Variants in COL5A2 observed in about 807,000 individuals in gnomAD.
The protein encoded by COL5A2 is collagen type V alpha 2 chain, also known as collagen alpha-2(V) chain.
Under a neutral mutation model 208.2 loss-of-function variants are expected in COL5A2, and 23 were observed. That is an observed-to-expected ratio of 0.11 (90% CI 0.08 to 0.16). The LOEUF is 0.16. Ranked by LOEUF, COL5A2 falls within the 10% of genes least tolerant of loss-of-function variation. COL5A2 has a pLI of 1.00. For missense variants in COL5A2, 1,590 were observed against 1,956.4 expected (o/e 0.81, Z 3.53); for synonymous variants, 625 against 628.5 (o/e 0.99, Z 0.08).
At chr2:189,159,702 T>A (rs1323711925) in intron 1 of COL5A2, among the ~76,000 whole-genome samples, 3 of 103,894 alleles carry the variant, frequency 2.9e-5, no homozygotes, top group East Asian at 7.9e-4. Context: ...AAAAATTATT[T>A]AAAAAAATCT....
At chr2:189,058,202 G>C (rs745931041) in intron 33 of COL5A2, among the ~76,000 whole-genome samples, 1 of 152,110 alleles carries the variant, frequency 6.6e-6, no homozygotes, top group South Asian at 2.1e-4. Flanking sequence ...CTATCACCAT[G>C]TGCACTAAAC....
the COL5A2 span, among the ~76,000 whole-genome samples, chr2:189,342,926 C>T: frequency 6.6e-6 from 1 of 152,036 alleles, no homozygotes; most frequent in Non-Finnish European, 1.5e-5. Context: ...TGCCAAAATG[C>T]CAATGTATTT....
At chr2:189,211,622 T>C (rs1689214443) in intron 1 of COL5A2, among the ~76,000 whole-genome samples, 1 of 152,026 alleles carries the variant, frequency 6.6e-6, no homozygotes. Context: ...AATAAATAGA[T>C]AAGAAAATAA....
At chr2:189,310,849 C>T in the COL5A2 span, among the ~76,000 whole-genome samples, 2 of 151,912 alleles carry the variant, frequency 1.3e-5, no homozygotes, top group African/African-American at 4.8e-5. Context: ...CACATGTTCT[C>T]ACTTATTTCT....
intron 1 of COL5A2, among the ~76,000 whole-genome samples, chr2:189,211,232 T>C (rs570019852): frequency 1.4e-3 from 215 of 152,308 alleles, no homozygotes; most frequent in African/African-American, 4.9e-3. Flanking sequence ...CATTTCAAAT[T>C]AAGAAATCCT....
rs372030594 is a variant in COL5A2 at position 189,191,164 on chromosome 2, A to T, written c.-42+33984T>A. On this transcript the variant is annotated intron_variant, in intron 1 of 10. Transcript: ENST00000649966. ...ATAAAAAAAAAAACAAAAAACAAAC[A>T]AACAACAAAAAACAACAACAAAAAA... is the stretch of plus-strand genomic sequence containing the variant. Among the ~76,000 whole-genome samples the T allele has an allele frequency of 2.6e-5, 3 of 115,450 alleles. 1 individual carries two copies. In the South Asian group the frequency reaches 9.5e-4, roughly 37 times the overall value. The allele number at this position is 115,450 out of a possible 152,430, so 75.7% of individuals were successfully genotyped here.
chr2:189,088,824 C>T (rs376297522), intron 7 of COL5A2, 52 bp from the exon 8 acceptor site: 84 of 1,369,100 alleles, frequency 6.1e-5, no homozygotes, highest in East Asian at 4.6e-5. Context: ...CATACATCAA[C>T]GTCCTTTTCA....
At chr2:189,382,431 C>T in the COL5A2 span, among the ~76,000 whole-genome samples, 3 of 152,042 alleles carry the variant, frequency 2.0e-5, no homozygotes, top group East Asian at 1.9e-4. Context: ...GAAATTATAG[C>T]AAGTGTTTAT....
At position 189,034,139 on chromosome 2, in the gene COL5A2, A is replaced by G. The variant is rs1250730945; in HGVS notation, c.4431T>C (p.Leu1477=). The G allele has an allele frequency of 5.6e-6, 9 of 1,614,074 alleles. No homozygotes were observed. The East Asian group carries it at 2.0e-4, about 36-fold the overall frequency. The change falls in exon 54 of 54, where the codon CTT becomes CTC. Residue 1477 remains leucine (L), a synonymous_variant. Transcript: ENST00000374866. The part of the protein sequence containing the change: ...QNVARLPIID[L]APVDVGGTDQ... ...CTGTGCCGCCAACATCCACAGGAGC[A>G]AGATCTATGATGGGCAAGCGTGCCA...
chr2:189,316,505 T>C, the COL5A2 span, among the ~76,000 whole-genome samples: 1 of 151,452 alleles, frequency 6.6e-6, no homozygotes, highest in African/African-American at 2.4e-5. Flanking sequence ...GGAAAAAAAT[T>C]AAAATGTAAA....
At chr2:189,206,526 A>G (rs917110245) in intron 1 of COL5A2, among the ~76,000 whole-genome samples, 1 of 152,186 alleles carries the variant, frequency 6.6e-6, no homozygotes, top group African/African-American at 2.4e-5. Context: ...TCCAAAATAC[A>G]CCCTGGGATG....
At chr2:189,247,987 T>A in the COL5A2 span, among the ~76,000 whole-genome samples, 1 of 152,238 alleles carries the variant, frequency 6.6e-6, no homozygotes, top group Non-Finnish European at 1.5e-5. Flanking sequence ...AGCTTTAAAG[T>A]CAATACATGT....
Position 189,168,097 on chromosome 2 carries a change from C to A in COL5A2, c.97+11411G>T, listed in dbSNP as rs141534812. Among the ~76,000 whole-genome samples, 91 of 152,172 alleles carry A rather than the reference C, an allele frequency of 6.0e-4. No homozygotes were observed. The East Asian group carries it at 0.015, about 26-fold the overall frequency. On this transcript the variant is annotated intron_variant, in intron 1 of 53. Coordinates refer to ENST00000374866, the MANE Select transcript of COL5A2 (RefSeq NM_000393.5). Reference sequence around the variant, plus strand: ...GGACTACAGGCGCCCACCACCACGCCTGGCTAAATTTTTTGTATTTTTAGT... The same window carrying A: ...GGACTACAGGCGCCCACCACCACGCATGGCTAAATTTTTTGTATTTTTAGT...
the COL5A2 span, among the ~76,000 whole-genome samples, chr2:189,332,609 C>T: frequency 3.3e-5 from 5 of 152,166 alleles, no homozygotes; most frequent in African/African-American, 1.2e-4. Context: ...TACACAAGCT[C>T]CCTCTTTGCC....
chr2:189,199,627 G>A (rs1368738120), intron 1 of COL5A2, among the ~76,000 whole-genome samples: 8 of 152,114 alleles, frequency 5.3e-5, no homozygotes. Flanking sequence ...CAGCCACAAA[G>A]TTGTTTCTTT....
chr2:189,217,933 G>C (rs1465541615), intron 1 of COL5A2, among the ~76,000 whole-genome samples: 2 of 152,126 alleles, frequency 1.3e-5, no homozygotes, highest in African/African-American at 4.8e-5. Flanking sequence ...CTTCAACAAA[G>C]AGCTGCTATT....
upstream of COL5A2, among the ~76,000 whole-genome samples, chr2:189,225,500 G>C (rs541117098): frequency 1.1e-4 from 16 of 152,048 alleles, no homozygotes; most frequent in East Asian, 2.7e-3. Flanking sequence ...AGGGAAATCT[G>C]TATTCAAATT....
At chr2:189,361,529 A>T in the COL5A2 span, among the ~76,000 whole-genome samples, 5 of 112,456 alleles carry the variant, frequency 4.4e-5, no homozygotes, top group Non-Finnish European at 9.7e-5. Flanking sequence ...TGTAGACAGC[A>T]TGTAGTTGGG....
intron 4 of COL5A2, among the ~76,000 whole-genome samples, chr2:189,099,564 G>T (rs1687006750): frequency 2.0e-5 from 3 of 152,178 alleles, no homozygotes; most frequent in Admixed American, 2.0e-4. Context: ...GGTGGAGGTT[G>T]CAGTGAACTG....
Sources: allele counts gnomAD v4.1 joint callset (sites outside exome capture counted in the v4.1 genomes callset), GRCh38; gene constraint gnomAD v4.1.1; transcripts MANE v1.5; gene names NCBI Gene and HGNC (gene_info 2026-07-23, HGNC 2026-07-21).